Variants in PDLIM2 observed in about 807,000 individuals in gnomAD.
PDLIM2 encodes the protein PDZ and LIM domain 2.
Under a neutral mutation model 54.1 loss-of-function variants are expected in PDLIM2, and 51 were observed. The observed-to-expected ratio is 0.94, with a 90% CI of 0.75 to 1.19. The LOEUF is 1.19. Ranked by LOEUF, PDLIM2 falls within the 50% of genes most tolerant of loss-of-function variation. The probability of loss-of-function intolerance (pLI) is 0.00; values close to 1 mark genes in which losing one functional copy is unlikely to be tolerated. For missense variants in PDLIM2, 912 were observed against 874.0 expected (o/e 1.04, Z -0.55); for synonymous variants, 398 against 385.6 (o/e 1.03, Z -0.38).
At chr8:22,586,235 T>C (rs1181532881) in intron 6 of PDLIM2, among the ~76,000 whole-genome samples, 2 of 152,168 alleles carry the variant, frequency 1.3e-5, no homozygotes, top group African/African-American at 4.8e-5. Context: ...GCAGGATCTT[T>C]CTGGGGGCCT....
chr8:22,589,858 T>C (rs1800492628), intron 8 of PDLIM2, 117 bp downstream of exon 7: 1 of 1,387,020 alleles, frequency 7.2e-7, no homozygotes, highest in Non-Finnish European at 9.8e-7. Flanking sequence ...ACCCCAGGAC[T>C]AGGCACGGAG....
At chr8:22,593,466 ACT>A in intron 9 of PDLIM2, 2 of 423,838 alleles carry the variant, frequency 4.7e-6, no homozygotes, top group Admixed American at 4.0e-5. Flanking sequence ...AATCCCAGCT[ACT>A]CAGGAGGCTG....
intron 6 of PDLIM2, among the ~76,000 whole-genome samples, chr8:22,587,458 C>G (rs1800410965): frequency 1.3e-5 from 2 of 152,180 alleles, no homozygotes; most frequent in South Asian, 4.1e-4. Flanking sequence ...ATATCCTAAA[C>G]TTGTTGAACA....
Position 22,589,589 on chromosome 8 carries a change from C to A in PDLIM2, c.1368-7C>A. ...ACCCTCATTCCTGGCTGCCTCCCAC[C>A]CTGCAGCATGGACTCGGAAGGGGGA... is the stretch of plus-strand genomic sequence containing the variant. On this transcript the variant is annotated splice_region_variant and splice_polypyrimidine_tract_variant and intron_variant, in intron 7 of 9. Transcript: ENST00000308354. The A allele has an allele frequency of 6.2e-7, 1 of 1,600,686 alleles. No homozygotes were observed. Among genetic ancestry groups the A allele is most frequent in the East Asian group, 2.3e-5 (1 of 44,388 alleles).
chr8:22,583,478 T>A (rs1800270740), intron 3 of PDLIM2, among the ~76,000 whole-genome samples: 1 of 152,138 alleles, frequency 6.6e-6, no homozygotes, highest in African/African-American at 2.4e-5. Context: ...ATGAAATCAG[T>A]AATCAGGCCG....
intron 3 of PDLIM2, among the ~76,000 whole-genome samples, chr8:22,584,170 A>T (rs1283373302): frequency 2.9e-5 from 4 of 139,582 alleles, no homozygotes; most frequent in Non-Finnish European, 6.2e-5. Flanking sequence ...GCTTGGCTAA[A>T]TTTTTTTTTT....
intron 3 of PDLIM2, among the ~76,000 whole-genome samples, chr8:22,583,892 A>G (rs906792632): frequency 6.8e-5 from 10 of 146,718 alleles, no homozygotes; most frequent in Non-Finnish European, 1.5e-4. Flanking sequence ...AAAGGGCAGG[A>G]TAATGTGAGG....
chr8:22,589,116 T>C, intron 6 of PDLIM2, 182 bp from the exon 6 acceptor site: 1 of 514,832 alleles, frequency 1.9e-6, no homozygotes, highest in East Asian at 2.9e-5. Flanking sequence ...GGGGGCCCGC[T>C]GGTCGGCGAG....
intron 9 of PDLIM2, 39 bp from the exon 9 acceptor site, chr8:22,593,675 ATGGTGGCCTCCTGCTTGGT>A (rs1800615876): frequency 6.9e-7 from 1 of 1,456,720 alleles, no homozygotes; most frequent in Non-Finnish European, 9.3e-7. Flanking sequence ...CCCCCTGGGC[ATGGTGGCCTCCTGCTTGGT>A]GCTGTGGCTC....
intron 5 of PDLIM2, 31 bp from the exon 5 acceptor site, chr8:22,585,290 C>G (rs761078938): frequency 6.2e-7 from 1 of 1,610,896 alleles, no homozygotes; most frequent in Admixed American, 1.7e-5. Flanking sequence ...GGGGGTGGCC[C>G]TGGCACACAC....
chr8:22,587,861 C>G (rs1375759985), intron 6 of PDLIM2: 1 of 152,334 alleles, frequency 6.6e-6, no homozygotes, highest in Non-Finnish European at 1.5e-5. Flanking sequence ...TCAGGATGCC[C>G]TTATAGTGCC....
At chr8:22,583,338 G>A (rs929782664) in intron 3 of PDLIM2, among the ~76,000 whole-genome samples, 3 of 152,098 alleles carry the variant, frequency 2.0e-5, no homozygotes, top group Non-Finnish European at 4.4e-5. Flanking sequence ...CGCGCTCAAA[G>A]GCACCCTGGC....
chr8:22,581,206 G>A (rs1435720356), intron 2 of PDLIM2, 173 bp from the exon 2 acceptor site: 11 of 794,956 alleles, frequency 1.4e-5, no homozygotes, highest in Middle Eastern at 2.8e-4. Flanking sequence ...TGCCACCTGC[G>A]CTCCTGGAGG....
At position 22,579,007 on chromosome 8, in the gene PDLIM2, AG is replaced by A; in HGVS notation, c.230del (p.Gly77ValfsTer177). 1.6e-6 allele frequency: 2 copies of A among 1,244,294 alleles called. No individual in the cohort carries two copies. The highest frequency in any genetic ancestry group is 1.0e-6 in the Non-Finnish European group (1 of 996,352). The allele number at this position is 1,244,294 out of a possible 1,614,324, so 77.1% of individuals were successfully genotyped here. A position where few individuals can be genotyped will look rare whatever the true frequency, so the allele number is the denominator to read the frequency against. ...CTCATCCCCCCGGCGGGCTCGGGCC[AG>A]GTGGCAGCGCCTGGGCTCGCCGCGC... On this transcript the variant is annotated frameshift_variant, in exon 1 of 10. Coordinates refer to ENST00000308354, the Ensembl canonical transcript of PDLIM2. LOFTEE classifies it high-confidence loss of function.
At chr8:22,583,492 G>A (rs368142748) in intron 3 of PDLIM2, among the ~76,000 whole-genome samples, 6 of 152,296 alleles carry the variant, frequency 3.9e-5, no homozygotes, top group African/African-American at 9.6e-5. Flanking sequence ...CAGGCCGGGC[G>A]CAGTGGCTCA....
In PDLIM2 at chr8:22,588,927, G is replaced by A. The variant is rs114027424; in HGVS notation, c.1291-371G>A. ...TCCTCTCTGCTGGTTCCGTGGGATC[G>A]GAGCCAGGCCCCAGTGTGCAATGTC... On this transcript the variant is annotated intron_variant, in intron 6 of 9. Coordinates refer to ENST00000308354, the Ensembl canonical transcript of PDLIM2. 1.3e-3 allele frequency: 406 copies of A among 321,226 alleles called. 1 individual carries two copies. Among genetic ancestry groups the A allele is most frequent in the African/African-American group, 8.5e-3 (375 of 44,320 alleles). 19.9% of individuals were successfully genotyped at this position (321,226 alleles called of 1,614,324 possible).
At chr8:22,578,976 G>C in exon 1 of PDLIM2, 1 of 1,241,856 alleles carries the variant, frequency 8.1e-7, no homozygotes, top group Non-Finnish European at 1.0e-6. Flanking sequence ...CCTGGGGACA[G>C]CCTGCCTCAT....
In PDLIM2 at chr8:22,581,063, G is replaced by A. The variant is rs370117668; in HGVS notation, c.844-316G>A. 165 of 668,826 alleles carry A rather than the reference G, an allele frequency of 2.5e-4. No homozygotes were observed. In the African/African-American group the frequency reaches 2.7e-3, roughly 11 times the overall value. 41.4% of individuals were successfully genotyped at this position (668,826 alleles called of 1,614,324 possible). ...GGAACATTCACAGGAGGGCTGTGCAGGCAGCCACCTGCAAGGTGCGATTTG... is the reference window on the plus strand; with the variant it reads ...GGAACATTCACAGGAGGGCTGTGCAAGCAGCCACCTGCAAGGTGCGATTTG... On this transcript the variant is annotated intron_variant, in intron 2 of 9. Transcript: ENST00000308354.
chr8:22,589,423 G>A, intron 7 of PDLIM2, 49 bp downstream of exon 6: 1 of 1,531,762 alleles, frequency 6.5e-7, no homozygotes, highest in Non-Finnish European at 8.8e-7. Context: ...AAGGCTGGGA[G>A]GGGCAGGAGG....
Sources: allele counts gnomAD v4.1 joint callset (sites outside exome capture counted in the v4.1 genomes callset), GRCh38; gene constraint gnomAD v4.1.1; transcripts MANE v1.5; gene names NCBI Gene and HGNC (gene_info 2026-07-23, HGNC 2026-07-21).